The following FGD3 variants were observed in gnomAD, a reference collection of about 807,000 sequenced individuals.
The protein encoded by FGD3 is FYVE, RhoGEF and PH domain containing 3.
In FGD3, 45 loss-of-function variants were observed where a neutral mutation model predicts 71.8. That is an observed-to-expected ratio of 0.63 (90% confidence interval 0.49 to 0.80). The LOEUF (loss-of-function observed/expected upper bound fraction) is 0.80, where lower values mean the gene tolerates loss of function less well. Ranked by LOEUF, FGD3 falls within the 30% of genes least tolerant of loss-of-function variation. The probability of loss-of-function intolerance (pLI) is 0.00; values close to 1 mark genes in which losing one functional copy is unlikely to be tolerated. For missense variants in FGD3, 844 were observed against 951.5 expected (o/e 0.89, Z 1.49); for synonymous variants, 378 against 392.8 (o/e 0.96, Z 0.44).
chr9:93,018,170 C>T lies in FGD3; in HGVS notation c.1310C>T (p.Thr437Ile), dbSNP rs974243357. 3 of 1,614,064 alleles carry T rather than the reference C, an allele frequency of 1.9e-6. No homozygotes were observed. The African/African-American group carries it at 4.0e-5, about 22-fold the overall frequency. The change falls in exon 11 of 18, where the codon ACA becomes ATA. Residue 437 changes from threonine (T) to isoleucine (I), a missense_variant. Transcript: ENST00000375482. The stretch of plus-strand genomic sequence containing the variant: ...ATCGTCAAGCCAAACACAGCACATA[C>T]ATTCATCATAACAGGAAGAAAAAGG... ...QDIVKPNTAH[T>I]FIITGRKRSL...
chr9:92,981,354 C>T (rs995661624), intron 3 of FGD3, among the ~76,000 whole-genome samples: 9 of 126,260 alleles, frequency 7.1e-5, no homozygotes, highest in African/African-American at 2.2e-4. Context: ...GGTGACAGAG[C>T]GAGATTCCAT....
intron 14 of FGD3, among the ~76,000 whole-genome samples, chr9:93,028,197 GACACACACACACACACACACGC>G (rs1305892673): frequency 5.2e-4 from 77 of 147,322 alleles, no homozygotes; most frequent in Admixed American, 1.6e-3. Context: ...CCCTAGCCCC[GACACACACACACACACACACGC>G]ACACACACAC....
Position 93,000,969 on chromosome 9 carries a change from C to G in FGD3, c.454-1956C>G, listed in dbSNP as rs372808623. ...CCATACATCCCTTAGGCTCTCCTTGCTCTTCTTTCTTTTTTTTTTCTTATC... is the reference window on the plus strand; with the variant it reads ...CCATACATCCCTTAGGCTCTCCTTGGTCTTCTTTCTTTTTTTTTTCTTATC... On this transcript the variant is annotated intron_variant, in intron 3 of 17. Coordinates refer to ENST00000375482, the MANE Select transcript of FGD3 (RefSeq NM_001083536.2). Among the ~76,000 whole-genome samples the G allele has an allele frequency of 7.2e-5, 11 of 152,108 alleles. No individual in the cohort carries two copies. The East Asian group carries it at 2.1e-3, about 29-fold the overall frequency.
At chr9:92,960,130 C>CCG (rs1859142460) in intron 1 of FGD3, among the ~76,000 whole-genome samples, 1 of 151,930 alleles carries the variant, frequency 6.6e-6, no homozygotes, top group African/African-American at 2.4e-5. Flanking sequence ...TGTCATGTCC[C>CCG]TGTGTCTTCA....
At chr9:93,012,085 C>T (rs1297764118) in intron 8 of FGD3, among the ~76,000 whole-genome samples, 3 of 146,998 alleles carry the variant, frequency 2.0e-5, no homozygotes, top group Non-Finnish European at 3.0e-5. Context: ...ACCTGGGAGG[C>T]GGAGCTTGCA....
rs761114615 is a variant in FGD3 at position 93,010,528 on chromosome 9, A to ACAGAGG, written c.976+148_976+153dup. On this transcript the variant is annotated intron_variant, in intron 7 of 17. Coordinates refer to ENST00000375482, the MANE Select transcript of FGD3 (RefSeq NM_001083536.2). ...AGAGACCAGAGGGAAAGAGACAGAG[A>ACAGAGG]CAGAGGCAGGGGAGGGAGAGAGATG... The ACAGAGG allele has an allele frequency of 4.3e-3, 3,747 of 876,778 alleles. 18 individuals are homozygous for ACAGAGG. Among genetic ancestry groups the ACAGAGG allele is most frequent in the Non-Finnish European group, 5.3e-3 (3,291 of 617,160 alleles). The allele number at this position is 876,778 out of a possible 1,614,324, so 54.3% of individuals were successfully genotyped here.
chr9:93,034,780 G>C, intron 17 of FGD3, 99 bp downstream of exon 17: 1 of 1,358,738 alleles, frequency 7.4e-7, no homozygotes. Flanking sequence ...GGGTCCACCT[G>C]CTTGAGCAGT....
chr9:92,969,569 G>C lies in FGD3; in HGVS notation c.-217-5669G>C, dbSNP rs1221060948. Among the ~76,000 whole-genome samples, 1 of 152,146 alleles carries C rather than the reference G, an allele frequency of 6.6e-6. No homozygotes were observed. The highest frequency in any genetic ancestry group is 1.5e-5 in the Non-Finnish European group (1 of 68,030). On this transcript the variant is annotated intron_variant, in intron 1 of 17. Transcript: ENST00000375482. The surrounding 1 kb of genome is among the most constrained non-coding windows in gnomAD (Gnocchi z 4.5). ...GTTATGGAGCCTCCTGTGTGCCGGGGGCCACTGGGCCACTCCAGCGACAGG... is the reference window on the plus strand; with the variant it reads ...GTTATGGAGCCTCCTGTGTGCCGGGCGCCACTGGGCCACTCCAGCGACAGG...
chr9:93,021,891 T>TC lies in FGD3; in HGVS notation c.1495-434dup, dbSNP rs201801429. ...GAATGTGAGACACTGAGCCTGGCTG[T>TC]CCTTAAGTCTGGCCAAGCCCTTTCT... On this transcript the variant is annotated intron_variant, in intron 13 of 17. Coordinates refer to ENST00000375482, the MANE Select transcript of FGD3 (RefSeq NM_001083536.2). Among the ~76,000 whole-genome samples, 964 of 152,324 alleles carry TC rather than the reference T, an allele frequency of 6.3e-3. 7 individuals are homozygous for TC. The highest frequency in any genetic ancestry group is 0.027 in the Middle Eastern group (8 of 294).
chr9:92,996,934 TGAG>T (rs1478398171), intron 3 of FGD3, among the ~76,000 whole-genome samples: 1 of 152,258 alleles, frequency 6.6e-6, no homozygotes, highest in East Asian at 1.9e-4. Context: ...GATGTGGTGC[TGAG>T]AAGAATTTAT....
At chr9:93,001,203 A>T (rs926601758) in intron 3 of FGD3, among the ~76,000 whole-genome samples, 9 of 152,006 alleles carry the variant, frequency 5.9e-5, no homozygotes, top group African/African-American at 1.2e-4. Flanking sequence ...ATTTTTTTTT[A>T]AAGTCATCTA....
intron 1 of FGD3, among the ~76,000 whole-genome samples, chr9:92,954,979 G>T (rs1202699908): frequency 6.6e-6 from 1 of 152,184 alleles, no homozygotes; most frequent in Non-Finnish European, 1.5e-5. Flanking sequence ...GAGTGATGGC[G>T]ATATGGTGTC....
Position 93,006,167 on chromosome 9 carries a change from T to C in FGD3, c.824T>C (p.Val275Ala). The C allele has an allele frequency of 1.3e-6, 2 of 1,584,022 alleles. No individual in the cohort carries two copies. The highest frequency in any genetic ancestry group is 2.3e-5 in the South Asian group (2 of 87,778). Residue 275 changes from valine (V) to alanine (A), a missense_variant, in exon 6 of 18, where the codon GTC (valine) becomes GCC (alanine). Physicochemically the swap from Val to Ala is moderately conservative, Grantham distance 64 (BLOSUM62 0). Transcript: ENST00000375482. ...TQRSPLFKDV[V>A]HSIQKQEVCG... ...CGCTCCCCACTGTTTAAAGACGTCG[T>C]CCACAGCATCCAGGTAAGGCCGGCA... is the stretch of plus-strand genomic sequence containing the variant.
intron 1 of FGD3, among the ~76,000 whole-genome samples, chr9:92,949,616 T>G (rs1250243469): frequency 6.6e-6 from 1 of 152,068 alleles, no homozygotes; most frequent in Non-Finnish European, 1.5e-5. Flanking sequence ...AGGGACAGGA[T>G]GGGTTTGGGT....
intron 1 of FGD3, among the ~76,000 whole-genome samples, chr9:92,966,014 GGTGCCTGCCT>G (rs1859309926): frequency 1.3e-5 from 2 of 152,232 alleles, no homozygotes; most frequent in Non-Finnish European, 2.9e-5. Flanking sequence ...CGGGCACTGT[GGTGCCTGCCT>G]GTCCCTAGGC....
At chr9:92,991,819 T>C (rs1382918062) in intron 3 of FGD3, among the ~76,000 whole-genome samples, 1 of 152,250 alleles carries the variant, frequency 6.6e-6, no homozygotes, top group African/African-American at 2.4e-5. Context: ...TTGCTTTCTA[T>C]ATCTAGGTGC....
chr9:92,992,721 G>A (rs535329239), intron 3 of FGD3, among the ~76,000 whole-genome samples: 151 of 152,304 alleles, frequency 9.9e-4, no homozygotes, highest in Non-Finnish European at 1.7e-3. Flanking sequence ...GCATTCTGGA[G>A]GTTGCTCTGG....
At position 93,012,524 on chromosome 9, in the gene FGD3, G is replaced by A. The variant is rs183018635; in HGVS notation, c.1035+1252G>A. Reference sequence around the variant, plus strand: ...GCAAGGCCAGGCGTGGTGGCTCATGGCTGTAATCCCAGCACTTTGGAAGGC... The same window carrying A: ...GCAAGGCCAGGCGTGGTGGCTCATGACTGTAATCCCAGCACTTTGGAAGGC... On this transcript the variant is annotated intron_variant, in intron 8 of 17. Transcript: ENST00000375482. Among the ~76,000 whole-genome samples the A allele has an allele frequency of 4.2e-3, 644 of 152,152 alleles. 5 individuals are homozygous for A. Among genetic ancestry groups the A allele is most frequent in the Admixed American group, 5.6e-3 (86 of 15,298 alleles).
In FGD3 at chr9:93,020,255, T is replaced by C. The variant is rs896983542; in HGVS notation, c.1387-62T>C. Reference sequence around the variant, plus strand: ...CTCGGGACAGAGGCAGGCGCGTCCCTCCTGTGGGTAGCATCCTCCCATGCC... The same window carrying C: ...CTCGGGACAGAGGCAGGCGCGTCCCCCCTGTGGGTAGCATCCTCCCATGCC... On this transcript the variant is annotated intron_variant, in intron 12 of 17. Transcript: ENST00000375482. The C allele has an allele frequency of 8.0e-6, 12 of 1,490,988 alleles. No homozygotes were observed. The African/African-American group carries it at 1.7e-4, about 21-fold the overall frequency. 92.4% of individuals were successfully genotyped at this position (1,490,988 alleles called of 1,614,324 possible).
Sources: gnomAD v4.1 joint callset for allele counts (sites outside exome capture counted in the v4.1 genomes callset) on GRCh38, gnomAD v4.1.1 for gene constraint, Gnocchi (gnomAD v3.1) non-coding constraint, MANE v1.5 for transcripts, NCBI Gene and HGNC (gene_info 2026-07-23, HGNC 2026-07-21) for gene names.